Variants in MYO9A observed in about 807,000 individuals in gnomAD.
The protein encoded by MYO9A is myosin IXA.
In MYO9A, 103 loss-of-function variants were observed where a neutral mutation model predicts 293.3. That is an observed-to-expected ratio of 0.35 (90% confidence interval 0.30 to 0.41). The LOEUF is 0.41. Among genes scored for constraint, MYO9A ranks in the 10% least tolerant of loss-of-function variants. The pLI is 1.00. For missense variants in MYO9A, 2,685 were observed against 3,033.0 expected (o/e 0.89, Z 2.69); for synonymous variants, 1,001 against 1,035.7 (o/e 0.97, Z 0.64).
intron 15 of MYO9A, among the ~76,000 whole-genome samples, chr15:71,947,110 C>T (rs533292561): frequency 6.6e-6 from 1 of 152,072 alleles, no homozygotes; most frequent in East Asian, 1.9e-4. Flanking sequence ...GAACGAGCTC[C>T]TATCTCTAAA....
chr15:72,010,569 A>T (rs1205123324), intron 6 of MYO9A, 122 bp from the exon 7 acceptor site: 5 of 745,546 alleles, frequency 6.7e-6, no homozygotes, highest in Non-Finnish European at 1.1e-5. Flanking sequence ...TAGAGCTGGT[A>T]GAATAGTAAG....
chr15:71,950,721 A>G (rs549698587), intron 15 of MYO9A, among the ~76,000 whole-genome samples: 58 of 152,346 alleles, frequency 3.8e-4, no homozygotes, highest in Non-Finnish European at 8.1e-4. Flanking sequence ...GCAATTGAAA[A>G]AGAATCCACA....
intron 4 of MYO9A, 146 bp downstream of exon 4, chr15:72,027,585 T>G (rs1236673825): frequency 3.3e-6 from 2 of 601,762 alleles, no homozygotes; most frequent in Non-Finnish European, 5.8e-6. Context: ...AACTGCAAAG[T>G]TCTGCCCATG....
chr15:72,002,064 G>A (rs1429543451), intron 8 of MYO9A, among the ~76,000 whole-genome samples: 1 of 151,970 alleles, frequency 6.6e-6, no homozygotes, highest in African/African-American at 2.4e-5. Flanking sequence ...AGACCAGGTT[G>A]GACAACACAG....
intron 32 of MYO9A, among the ~76,000 whole-genome samples, chr15:71,872,141 C>G (rs1458004466): frequency 6.6e-6 from 1 of 151,962 alleles, no homozygotes; most frequent in Admixed American, 6.5e-5. Flanking sequence ...CTGATTGACA[C>G]CATTGCCTGT....
chr15:71,985,716 T>C (rs1166172118), intron 11 of MYO9A, among the ~76,000 whole-genome samples: 1 of 152,328 alleles, frequency 6.6e-6, no homozygotes, highest in South Asian at 2.1e-4. Context: ...CCTAGATTTC[T>C]TTCTTATAGT....
Position 71,899,774 on chromosome 15 carries a change from G to A in MYO9A, c.3383C>T (p.Ala1128Val). The A allele has an allele frequency of 1.5e-5, 25 of 1,614,054 alleles. No individual in the cohort carries two copies. The highest frequency in any genetic ancestry group is 2.1e-5 in the Non-Finnish European group (25 of 1,180,018). Residue 1128 changes from alanine (A) to valine (V), a missense_variant, in exon 24 of 42, where the codon GCC becomes GTC. This residue lies in a region of MYO9A where 1,434 missense variants were observed against 1,497.7 expected (regional missense o/e 0.96). Transcript: ENST00000356056. ...AAICIQARWK[A>V]YRESKRYQEQ... is the part of the protein sequence containing the mutation. ...TTGGTACCTTTTACTTTCCCTGTAG[G>A]CTTTCCATCTTGCTTGTATGCAAAT...
At chr15:71,970,881 G>A (rs1033151293) in intron 12 of MYO9A, among the ~76,000 whole-genome samples, 7 of 151,962 alleles carry the variant, frequency 4.6e-5, no homozygotes, top group South Asian at 4.2e-4. Context: ...ATTCTCGGCC[G>A]GGCGCAGTGG....
chr15:72,103,327 CAGCAGA>C (rs1339072364), intron 1 of MYO9A, among the ~76,000 whole-genome samples: 17 of 140,480 alleles, frequency 1.2e-4, no homozygotes, highest in South Asian at 2.3e-4. Flanking sequence ...CAAGCAGCAG[CAGCAGA>C]AGCAGAAGCA....
At chr15:71,990,612 C>A (rs572010585) in intron 11 of MYO9A, among the ~76,000 whole-genome samples, 15 of 151,998 alleles carry the variant, frequency 9.9e-5, no homozygotes, top group African/African-American at 3.4e-4. Context: ...AAAAATTAGC[C>A]GGGCATGGTG....
intron 1 of MYO9A, among the ~76,000 whole-genome samples, chr15:72,109,007 C>T (rs561657506): frequency 6.6e-6 from 1 of 152,142 alleles, no homozygotes; most frequent in African/African-American, 2.4e-5. Flanking sequence ...AGGTGATCCA[C>T]CTGCCTCGGC....
intron 12 of MYO9A, among the ~76,000 whole-genome samples, chr15:71,972,540 T>C (rs1229463132): frequency 1.3e-5 from 2 of 152,170 alleles, no homozygotes; most frequent in Non-Finnish European, 2.9e-5. Flanking sequence ...TCCAGGTAGA[T>C]AGTATCAAAT....
Position 71,898,611 on chromosome 15 carries a change from T to C in MYO9A, c.3892A>G (p.Ile1298Val). ...ELLKVRSLGG[I>V]SPSEDRRWST... Reference sequence around the variant, plus strand: ...CATCTGCGATCCTCTGAAGGAGAAATACCACCAAGAGAACGAACTTTCAGC... The same window carrying C: ...CATCTGCGATCCTCTGAAGGAGAAACACCACCAAGAGAACGAACTTTCAGC... Residue 1298 changes from isoleucine (I) to valine (V), a missense_variant, in exon 25 of 42, where the codon ATT becomes GTT. By Grantham distance (29) the Ile-to-Val change is conservative. Coordinates refer to ENST00000356056, the MANE Select transcript of MYO9A (RefSeq NM_006901.4). 2 of 1,614,102 alleles carry C rather than the reference T, an allele frequency of 1.2e-6. No individual in the cohort carries two copies. Among genetic ancestry groups the C allele is most frequent in the East Asian group, 2.2e-5 (1 of 44,888 alleles).
At chr15:72,074,525 A>G (rs758377513) in intron 1 of MYO9A, among the ~76,000 whole-genome samples, 27 of 152,226 alleles carry the variant, frequency 1.8e-4, no homozygotes, top group Non-Finnish European at 2.6e-4. Flanking sequence ...TGAACACAGG[A>G]ATGAATAATC....
rs531384419 is a variant in MYO9A at position 71,876,666 on chromosome 15, C to T, written c.5932-828G>A. Among the ~76,000 whole-genome samples the T allele has an allele frequency of 7.9e-5, 12 of 151,938 alleles. No homozygotes were observed. The South Asian group carries it at 2.3e-3, about 29-fold the overall frequency. Reference sequence around the variant, plus strand: ...GGCCAGTCTGGTCTCGATCTCCCGACCTTGTGATCTGCTCACCTCAGCCTC... The same window carrying T: ...GGCCAGTCTGGTCTCGATCTCCCGATCTTGTGATCTGCTCACCTCAGCCTC... On this transcript the variant is annotated intron_variant, in intron 31 of 41. Transcript: ENST00000356056.
chr15:72,051,246 G>A (rs950000717), intron 1 of MYO9A, among the ~76,000 whole-genome samples: 2 of 152,140 alleles, frequency 1.3e-5, no homozygotes, highest in Non-Finnish European at 2.9e-5. Context: ...CATCTATAGC[G>A]GCCACTGCCA....
rs774335319 is a variant in MYO9A, at chr15:71,898,777, A to G, written c.3726T>C (p.Ser1242=). 1 of 1,613,542 alleles carries G rather than the reference A, an allele frequency of 6.2e-7. No homozygotes were observed. Among genetic ancestry groups the G allele is most frequent in the Non-Finnish European group, 8.5e-7 (1 of 1,179,896 alleles). ...NKQQERAQSQ[S]GVDLQEDVLV... ...GCACATCTTCCTGCAAGTCCACACC[A>G]CTCTGGCTTTGGGCTCTCTCCTGCT... The change falls in exon 25 of 42, where the codon AGT becomes AGC. Residue 1242 remains serine (S), a synonymous_variant. Transcript: ENST00000356056.
At chr15:71,974,743 C>T (rs1051176113) in intron 12 of MYO9A, among the ~76,000 whole-genome samples, 2 of 152,140 alleles carry the variant, frequency 1.3e-5, no homozygotes, top group Non-Finnish European at 2.9e-5. Context: ...CTTTTCCTGG[C>T]CATAAAAACA....
chr15:72,103,319 A>G (rs1340980234), intron 1 of MYO9A, among the ~76,000 whole-genome samples: 2 of 94,966 alleles, frequency 2.1e-5, no homozygotes, highest in Non-Finnish European at 4.8e-5. Context: ...AGCAGCAGCA[A>G]GCAGCAGCAG....
Sources: allele counts gnomAD v4.1 joint callset (sites outside exome capture counted in the v4.1 genomes callset), GRCh38; gene constraint gnomAD v4.1.1; regional missense constraint gnomAD v4.1.1; transcripts MANE v1.5; gene names NCBI Gene and HGNC (gene_info 2026-07-23, HGNC 2026-07-21).